NRXN3: variants seen among roughly 807,000 people sequenced by gnomAD.
NRXN3 encodes the protein neurexin III.
NRXN3 carries 32 observed loss-of-function variants against 137.6 expected under a neutral mutation model. That is an observed-to-expected ratio of 0.23 (90% CI 0.18 to 0.31). NRXN3 has a LOEUF of 0.31. NRXN3 is among the 10% of genes least tolerant of loss of function. The pLI is 1.00. For synonymous variants in NRXN3, 798 were observed against 784.5 expected (o/e 1.02, Z -0.29); for missense variants, 1,574 against 2,062.5 (o/e 0.76, Z 4.59).
intron 4 of NRXN3, among the ~76,000 whole-genome samples, chr14:78,396,313 A>G (rs1424743867): frequency 1.3e-5 from 2 of 152,096 alleles, no homozygotes; most frequent in African/African-American, 4.8e-5. Flanking sequence ...TTTTGCCTAC[A>G]TGTAGTTAGA....
intron 4 of NRXN3, among the ~76,000 whole-genome samples, chr14:78,308,762 A>G (rs1217971100): frequency 6.6e-6 from 1 of 152,064 alleles, no homozygotes; most frequent in East Asian, 1.9e-4. Context: ...TGTGTGTATT[A>G]TACTTCTCTC....
intron 4 of NRXN3, among the ~76,000 whole-genome samples, chr14:78,618,929 C>T (rs559270705): frequency 6.6e-6 from 1 of 152,324 alleles, no homozygotes; most frequent in East Asian, 1.9e-4. Context: ...TTGCTTCTTT[C>T]TTTGTCCTCT....
At chr14:78,264,917 T>C (rs1026730961) in intron 2 of NRXN3, among the ~76,000 whole-genome samples, 1 of 152,182 alleles carries the variant, frequency 6.6e-6, no homozygotes, top group African/African-American at 2.4e-5. Flanking sequence ...TTGAAGGCTC[T>C]AGTGTTTAAG....
intron 6 of NRXN3, among the ~76,000 whole-genome samples, chr14:78,667,908 C>T (rs926917531): frequency 3.3e-5 from 5 of 151,952 alleles, no homozygotes; most frequent in African/African-American, 7.3e-5. Flanking sequence ...CTCTGCCTCC[C>T]GAGTAGCTGG....
At chr14:79,448,722 T>C (rs977558060) in intron 15 of NRXN3, among the ~76,000 whole-genome samples, 2 of 152,206 alleles carry the variant, frequency 1.3e-5, no homozygotes, top group African/African-American at 4.8e-5. Flanking sequence ...TGCATAGATA[T>C]GTGTGTACAT....
At chr14:78,372,828 A>T (rs1290637717) in intron 4 of NRXN3, among the ~76,000 whole-genome samples, 1 of 152,218 alleles carries the variant, frequency 6.6e-6, no homozygotes. Flanking sequence ...TTCATTAAAG[A>T]GTTCCTCTTC....
At chr14:78,818,301 A>G (rs1164771034) in intron 10 of NRXN3, among the ~76,000 whole-genome samples, 1 of 152,110 alleles carries the variant, frequency 6.6e-6, no homozygotes, top group African/African-American at 2.4e-5. Flanking sequence ...GCTACCTTGG[A>G]TATAGTATAT....
chr14:78,729,480 G>A (rs905203253), intron 8 of NRXN3, among the ~76,000 whole-genome samples: 11 of 152,194 alleles, frequency 7.2e-5, no homozygotes, highest in Non-Finnish European at 1.5e-4. Flanking sequence ...TCCATTTGGA[G>A]TAAATTCAGG....
intron 11 of NRXN3, among the ~76,000 whole-genome samples, chr14:78,965,741 A>G (rs2152993391): frequency 6.6e-6 from 1 of 152,256 alleles, no homozygotes; most frequent in South Asian, 2.1e-4. Context: ...TCCTGAATGG[A>G]GAATATCAAT....
intron 17 of NRXN3, among the ~76,000 whole-genome samples, chr14:79,687,711 A>G (rs75868939): frequency 0.032 from 4,913 of 152,252 alleles, 249 homozygotes; most frequent in African/African-American, 0.11. Context: ...GGTGGTATTA[A>G]TAGTCTACCT....
At chr14:79,401,983 C>T (rs112335154) in intron 15 of NRXN3, among the ~76,000 whole-genome samples, 3,838 of 152,206 alleles carry the variant, frequency 0.025, 175 homozygotes, top group African/African-American at 0.088. Flanking sequence ...GTGGCATGAT[C>T]ACAGCTCACT....
At position 78,579,781 on chromosome 14, in the gene NRXN3, G is replaced by A. The variant is rs1347410589; in HGVS notation, c.758-65339G>A. On this transcript the variant is annotated intron_variant, in intron 4 of 20. Coordinates refer to ENST00000335750, the MANE Select transcript of NRXN3 (RefSeq NM_001330195.2). ...AGTTTTGTTAAGTCTCATTGCCACA[G>A]TCTGCACCTTATCCTGATGTTCTCA... Among the ~76,000 whole-genome samples the A allele has an allele frequency of 5.9e-5, 9 of 152,274 alleles. No homozygotes were observed. The South Asian group carries it at 1.5e-3, about 25-fold the overall frequency.
chr14:79,103,061 T>C (rs1244809834), intron 15 of NRXN3, among the ~76,000 whole-genome samples: 1 of 152,124 alleles, frequency 6.6e-6, no homozygotes, highest in Non-Finnish European at 1.5e-5. Context: ...AGATGGCAGG[T>C]AGTCAAGGCC....
intron 6 of NRXN3, among the ~76,000 whole-genome samples, chr14:78,660,821 G>A (rs889372090): frequency 2.0e-5 from 3 of 152,182 alleles, no homozygotes; most frequent in Non-Finnish European, 4.4e-5. Flanking sequence ...AGCCCTAGGT[G>A]ATGTAGCAGA....
chr14:78,996,471 T>G (rs1269488710), intron 15 of NRXN3, among the ~76,000 whole-genome samples: 2 of 152,238 alleles, frequency 1.3e-5, no homozygotes, highest in Non-Finnish European at 2.9e-5. Context: ...AGAATTCATC[T>G]GAATTCATAG....
At chr14:79,655,201 T>C (rs1219144892) in intron 16 of NRXN3, among the ~76,000 whole-genome samples, 1 of 152,164 alleles carries the variant, frequency 6.6e-6, no homozygotes, top group Non-Finnish European at 1.5e-5. Flanking sequence ...AAGACTTCCT[T>C]AGGGACTAGC....
chr14:79,238,279 G>C lies in NRXN3; in HGVS notation c.3263-228942G>C, dbSNP rs552405089. 1.7e-4 allele frequency among the ~76,000 whole-genome samples: 23 copies of C among 138,706 alleles called. No individual in the cohort carries two copies. The South Asian group carries it at 2.7e-3, about 17-fold the overall frequency. The allele number at this position is 138,706 out of a possible 152,430, so 91.0% of individuals were successfully genotyped here. On this transcript the variant is annotated intron_variant, in intron 15 of 20. Transcript: ENST00000335750. ...TTAGTTCTGGTTGTAGACATATTGC[G>C]TGTATAAATACTTAGATTAGTTACA...
At chr14:79,057,844 G>T (rs1009210120) in intron 15 of NRXN3, among the ~76,000 whole-genome samples, 4 of 151,976 alleles carry the variant, frequency 2.6e-5, no homozygotes, top group Non-Finnish European at 4.4e-5. Context: ...GAGAGATGTG[G>T]TGCCATTCCA....
intron 15 of NRXN3, among the ~76,000 whole-genome samples, chr14:79,147,157 C>G (rs1473089979): frequency 6.6e-6 from 1 of 152,136 alleles, no homozygotes; most frequent in Non-Finnish European, 1.5e-5. Context: ...GTTTCCCAGT[C>G]AAAGTTTCTT....
Sources: gnomAD v4.1 joint callset for allele counts (sites outside exome capture counted in the v4.1 genomes callset) on GRCh38, gnomAD v4.1.1 for gene constraint, MANE v1.5 for transcripts, NCBI Gene and HGNC (gene_info 2026-07-23, HGNC 2026-07-21) for gene names.